The following DACH1 variants were observed in gnomAD, a reference collection of about 807,000 sequenced individuals.
DACH1 encodes dachshund homolog 1.
Under a neutral mutation model 54.2 loss-of-function variants are expected in DACH1, and 12 were observed. The observed-to-expected ratio is 0.22, with a 90% CI of 0.14 to 0.36. The LOEUF (loss-of-function observed/expected upper bound fraction) is 0.36. DACH1 is among the 10% of genes least tolerant of loss of function. DACH1 has a pLI of 1.00. For missense variants in DACH1, 805 were observed against 929.8 expected (o/e 0.87, Z 1.75); for synonymous variants, 386 against 366.2 (o/e 1.05, Z -0.62).
intron 2 of DACH1, among the ~76,000 whole-genome samples, chr13:71,660,808 C>A (rs1451042036): frequency 6.6e-6 from 1 of 151,436 alleles, no homozygotes; most frequent in Non-Finnish European, 1.5e-5. Context: ...TTATTTAAAA[C>A]AGAAATTACC....
intron 4 of DACH1, among the ~76,000 whole-genome samples, chr13:71,561,744 C>T (rs1166590744): frequency 6.6e-6 from 1 of 152,000 alleles, no homozygotes; most frequent in Non-Finnish European, 1.5e-5. Flanking sequence ...AAAGCTCTCC[C>T]TATGATTTTA....
At chr13:71,618,591 G>C (rs1267482250) in intron 3 of DACH1, among the ~76,000 whole-genome samples, 2 of 151,706 alleles carry the variant, frequency 1.3e-5, no homozygotes, top group East Asian at 3.9e-4. Context: ...AGTAGAATGT[G>C]CAAGTGTACT....
rs761436690 is a variant in DACH1 at position 71,537,618 on chromosome 13, T to C, written c.1570+19406A>G. On this transcript the variant is annotated intron_variant, in intron 6 of 10. Transcript: ENST00000613252. ...ATATGATAACAATGTTAGAGTTCCATAGAGAGAATAAATAAAGTCTTCAAA... is the reference window on the plus strand; with the variant it reads ...ATATGATAACAATGTTAGAGTTCCACAGAGAGAATAAATAAAGTCTTCAAA... Among the ~76,000 whole-genome samples, 90 of 152,096 alleles carry C rather than the reference T, an allele frequency of 5.9e-4. 1 individual carries two copies. The highest frequency in any genetic ancestry group is 1.3e-4 in the Non-Finnish European group (9 of 68,004).
chr13:71,814,328 T>A (rs879260343), intron 1 of DACH1, among the ~76,000 whole-genome samples: 6 of 152,238 alleles, frequency 3.9e-5, no homozygotes, highest in African/African-American at 1.4e-4. Flanking sequence ...ATTGTTTACA[T>A]CCATTTACTT....
intron 1 of DACH1, among the ~76,000 whole-genome samples, chr13:71,840,965 G>A (rs1453747478): frequency 6.6e-6 from 1 of 152,128 alleles, no homozygotes; most frequent in East Asian, 1.9e-4. Context: ...TCTAGATTAT[G>A]ATGATACAGT....
At chr13:71,800,207 C>T (rs1022273588) in intron 1 of DACH1, among the ~76,000 whole-genome samples, 3 of 152,000 alleles carry the variant, frequency 2.0e-5, no homozygotes, top group African/African-American at 4.8e-5. Flanking sequence ...TGATTATATA[C>T]AAATTTAATT....
At chr13:71,719,534 C>T (rs552632994) in intron 1 of DACH1, among the ~76,000 whole-genome samples, 13 of 152,210 alleles carry the variant, frequency 8.5e-5, no homozygotes, top group African/African-American at 2.9e-4. Flanking sequence ...ATACTATGCT[C>T]ACTATCTGTG....
chr13:71,725,603 T>C (rs1883433084), intron 1 of DACH1, among the ~76,000 whole-genome samples: 1 of 152,142 alleles, frequency 6.6e-6, no homozygotes, highest in Non-Finnish European at 1.5e-5. Context: ...TTATGTAGCA[T>C]GTATAAATTT....
chr13:71,466,692 A>AATT (rs1876602000), intron 10 of DACH1, among the ~76,000 whole-genome samples: 1 of 152,004 alleles, frequency 6.6e-6, no homozygotes, highest in Non-Finnish European at 1.5e-5. Context: ...AAAATATGAA[A>AATT]ATTAGCTGGG....
At chr13:71,721,988 G>A (rs1883249729) in intron 1 of DACH1, among the ~76,000 whole-genome samples, 1 of 151,840 alleles carries the variant, frequency 6.6e-6, no homozygotes, top group Non-Finnish European at 1.5e-5. Flanking sequence ...ATGCTCTTAG[G>A]CAATTATAAG....
At chr13:71,763,129 T>C (rs1427355122) in intron 1 of DACH1, among the ~76,000 whole-genome samples, 1 of 152,246 alleles carries the variant, frequency 6.6e-6, no homozygotes, top group Non-Finnish European at 1.5e-5. Flanking sequence ...CTAGTTTTGT[T>C]TGAAGCATTT....
chr13:71,692,909 C>T (rs2138728083), intron 1 of DACH1, among the ~76,000 whole-genome samples: 1 of 152,256 alleles, frequency 6.6e-6, no homozygotes, highest in East Asian at 1.9e-4. Flanking sequence ...TTATCAACTA[C>T]ATAGACAAAA....
At chr13:71,794,692 C>T (rs1056816771) in intron 1 of DACH1, among the ~76,000 whole-genome samples, 2 of 152,200 alleles carry the variant, frequency 1.3e-5, no homozygotes, top group African/African-American at 4.8e-5. Flanking sequence ...CCCACCTCGG[C>T]CTCCCAAAGT....
intron 6 of DACH1, among the ~76,000 whole-genome samples, chr13:71,511,455 T>C (rs1487337015): frequency 6.6e-6 from 1 of 151,204 alleles, no homozygotes; most frequent in Non-Finnish European, 1.5e-5. Flanking sequence ...CAATACAGAG[T>C]GGAGGAAAAT....
At chr13:71,453,523 G>A (rs1008682953) in intron 10 of DACH1, among the ~76,000 whole-genome samples, 7 of 152,038 alleles carry the variant, frequency 4.6e-5, no homozygotes, top group African/African-American at 1.7e-4. Flanking sequence ...AACCAGAGGT[G>A]GCAATTAGAA....
At chr13:71,609,725 C>T (rs894262754) in intron 3 of DACH1, among the ~76,000 whole-genome samples, 3 of 152,054 alleles carry the variant, frequency 2.0e-5, no homozygotes, top group Non-Finnish European at 4.4e-5. Context: ...TGAGATTTCA[C>T]CATGTTGGTC....
chr13:71,717,979 T>A (rs1722568238), intron 1 of DACH1, among the ~76,000 whole-genome samples: 1 of 152,034 alleles, frequency 6.6e-6, no homozygotes, highest in South Asian at 2.1e-4. Context: ...GTCACTCTCA[T>A]TTGGTCTTTT....
intron 1 of DACH1, among the ~76,000 whole-genome samples, chr13:71,836,869 C>A (rs1040642377): frequency 6.6e-6 from 1 of 152,012 alleles, no homozygotes; most frequent in Non-Finnish European, 1.5e-5. Context: ...CCACCCCTAA[C>A]CATGAGTGCT....
intron 1 of DACH1, among the ~76,000 whole-genome samples, chr13:71,757,508 A>G (rs75304122): frequency 0.036 from 5,485 of 150,598 alleles, 142 homozygotes; most frequent in Middle Eastern, 0.059. Context: ...AAGCCAAGAG[A>G]ATTTTTAAAG....
Sources: allele counts gnomAD v4.1 joint callset (sites outside exome capture counted in the v4.1 genomes callset), GRCh38; gene constraint gnomAD v4.1.1; transcripts MANE v1.5; gene names NCBI Gene and HGNC (gene_info 2026-07-23, HGNC 2026-07-21).